Variants in MED27 observed in about 807,000 individuals in gnomAD.
MED27 encodes mediator of RNA polymerase II transcription subunit 27.
In MED27, 30 loss-of-function variants were observed where a neutral mutation model predicts 38.2. The observed-to-expected ratio is 0.79, with a 90% CI of 0.59 to 1.07. MED27 has a LOEUF of 1.07. Among genes scored for constraint, MED27 ranks in the 50% least tolerant of loss-of-function variants. The pLI, the probability that MED27 is intolerant of heterozygous loss-of-function variation, is 0.00. For synonymous variants in MED27, 122 were observed against 153.5 expected (o/e 0.79, Z 1.52); for missense variants, 289 against 397.5 (o/e 0.73, Z 2.32).
At chr9:131,915,309 C>A (rs1830268787) in intron 4 of MED27, among the ~76,000 whole-genome samples, 1 of 152,184 alleles carries the variant, frequency 6.6e-6, no homozygotes, top group Non-Finnish European at 1.5e-5. Context: ...AACAAAGCAT[C>A]TACTCCAAAA....
At position 132,077,431 on chromosome 9, in the gene MED27, A is replaced by T; in HGVS notation, c.348+11T>A. ...TCCATATATTAGCTCCGTTTATTAC[A>T]TCTCCCTTACCTTGTTTGACCACTT... On this transcript the variant is annotated intron_variant, in intron 2 of 7. Transcript: ENST00000292035. 6.2e-7 allele frequency: 1 copy of T among 1,611,382 alleles called. No homozygotes were observed. Among genetic ancestry groups the T allele is most frequent in the South Asian group, 1.1e-5 (1 of 90,382 alleles).
chr9:132,027,416 A>G (rs1317192637), intron 2 of MED27, among the ~76,000 whole-genome samples: 1 of 152,156 alleles, frequency 6.6e-6, no homozygotes, highest in Non-Finnish European at 1.5e-5. Context: ...CAACTCCACC[A>G]CAATCAACTC....
intron 4 of MED27, among the ~76,000 whole-genome samples, chr9:131,918,921 T>C (rs529577521): frequency 6.6e-6 from 1 of 152,290 alleles, no homozygotes; most frequent in East Asian, 1.9e-4. Flanking sequence ...GCTTTGGGAA[T>C]GAGCCTCCTA....
chr9:131,948,586 G>A (rs1296277207), intron 3 of MED27, among the ~76,000 whole-genome samples: 2 of 151,156 alleles, frequency 1.3e-5, no homozygotes, highest in African/African-American at 4.9e-5. Flanking sequence ...AAGACTAGAC[G>A]TACTGCAGAC....
chr9:131,931,670 A>T (rs893512232), intron 4 of MED27, among the ~76,000 whole-genome samples: 3 of 152,240 alleles, frequency 2.0e-5, no homozygotes, highest in Non-Finnish European at 4.4e-5. Context: ...GGAAAAAGAT[A>T]TTCCATGCCA....
intron 2 of MED27, among the ~76,000 whole-genome samples, chr9:132,040,763 G>A (rs181694718): frequency 2.0e-5 from 3 of 152,108 alleles, no homozygotes; most frequent in Admixed American, 6.5e-5. Context: ...CACACACACC[G>A]CACACTCAAG....
intron 2 of MED27, among the ~76,000 whole-genome samples, chr9:132,057,093 C>T (rs1416006090): frequency 6.6e-6 from 1 of 152,186 alleles, no homozygotes; most frequent in African/African-American, 2.4e-5. Flanking sequence ...TACTGTTTGC[C>T]CTCTGGTTCC....
At chr9:132,029,408 T>C (rs999933956) in intron 2 of MED27, among the ~76,000 whole-genome samples, 1 of 152,200 alleles carries the variant, frequency 6.6e-6, no homozygotes, top group Non-Finnish European at 1.5e-5. Context: ...TATAATTTGC[T>C]TTCTTTGCCT....
intron 3 of MED27, among the ~76,000 whole-genome samples, chr9:131,958,482 G>A (rs901979062): frequency 5.9e-5 from 9 of 152,114 alleles, no homozygotes; most frequent in African/African-American, 1.4e-4. Flanking sequence ...TCCTGACTTC[G>A]TGATCCACCT....
intron 2 of MED27, among the ~76,000 whole-genome samples, chr9:132,028,271 G>T (rs1275201833): frequency 1.3e-5 from 2 of 152,146 alleles, no homozygotes; most frequent in Non-Finnish European, 2.9e-5. Context: ...GGAGCTGGGG[G>T]TGCTTTCTAT....
intron 4 of MED27, among the ~76,000 whole-genome samples, chr9:131,906,482 G>A (rs1243719776): frequency 1.3e-5 from 2 of 152,190 alleles, no homozygotes; most frequent in Non-Finnish European, 2.9e-5. Flanking sequence ...GAGTGTGGCT[G>A]GCCACCAGGG....
At chr9:132,033,463 A>C (rs1391046716) in intron 2 of MED27, among the ~76,000 whole-genome samples, 1 of 152,130 alleles carries the variant, frequency 6.6e-6, no homozygotes, top group Admixed American at 6.5e-5. Context: ...AATTTGAAAA[A>C]CTTTGGTAAA....
intron 4 of MED27, among the ~76,000 whole-genome samples, chr9:131,909,667 T>C (rs1830153382): frequency 6.6e-6 from 1 of 152,240 alleles, no homozygotes; most frequent in South Asian, 2.1e-4. Flanking sequence ...AAGGTCACTT[T>C]AAAAATCCAA....
At position 131,984,791 on chromosome 9, in the gene MED27, A is replaced by G. The variant is rs73658165; in HGVS notation, c.479+29546T>C. Among the ~76,000 whole-genome samples, 340 of 152,154 alleles carry G rather than the reference A, an allele frequency of 2.2e-3. 4 individuals carry two copies. Among genetic ancestry groups the G allele is most frequent in the African/African-American group, 7.8e-3 (325 of 41,498 alleles). ...TCCTGGCGCTTCCTGACATTTATAC[A>G]TTTATGCTGGTATTTTGAGCCTGGG... On this transcript the variant is annotated intron_variant, in intron 3 of 7. Transcript: ENST00000292035.
intron 3 of MED27, among the ~76,000 whole-genome samples, chr9:131,967,079 T>C (rs1291448790): frequency 6.6e-6 from 1 of 152,260 alleles, no homozygotes; most frequent in Non-Finnish European, 1.5e-5. Context: ...TAGCATATGA[T>C]ATGTGCTTGA....
intron 3 of MED27, among the ~76,000 whole-genome samples, chr9:131,973,731 G>T (rs977360076): frequency 2.0e-5 from 3 of 151,604 alleles, no homozygotes. Context: ...TCTTCGAGAC[G>T]GAGTCTTGCT....
chr9:131,887,464 A>C (rs911630512), intron 5 of MED27, among the ~76,000 whole-genome samples: 3 of 152,218 alleles, frequency 2.0e-5, no homozygotes, highest in African/African-American at 7.2e-5. Flanking sequence ...CTAGGAGTGC[A>C]CAGCAGGTGG....
In MED27 at chr9:131,921,592, T is replaced by A. The variant is rs548796679; in HGVS notation, c.573+17789A>T. Reference sequence around the variant, plus strand: ...ACTGTTGGTGGGACTGTAAACTAGTTCAACCATTGTGGAAGACAGTGTGGC... The same window carrying A: ...ACTGTTGGTGGGACTGTAAACTAGTACAACCATTGTGGAAGACAGTGTGGC... On this transcript the variant is annotated intron_variant, in intron 4 of 7. Transcript: ENST00000292035. Among the ~76,000 whole-genome samples the A allele has an allele frequency of 1.8e-4, 28 of 152,322 alleles. No individual in the cohort carries two copies. In the South Asian group the frequency reaches 4.6e-3, roughly 25 times the overall value.
chr9:131,914,624 G>A lies in MED27; in HGVS notation c.574-20632C>T, dbSNP rs189943435. On this transcript the variant is annotated intron_variant, in intron 4 of 7. Coordinates refer to ENST00000292035, the MANE Select transcript of MED27 (RefSeq NM_004269.4). ...GGAAACAAGAAACAAATAACATGGG[G>A]AAGAGATGGGTCACGTAGGGGCTTA... 5.9e-5 allele frequency among the ~76,000 whole-genome samples: 9 copies of A among 152,306 alleles called. No individual in the cohort carries two copies. In the East Asian group the frequency reaches 1.7e-3, roughly 29 times the overall value.
Sources: allele counts gnomAD v4.1 joint callset (sites outside exome capture counted in the v4.1 genomes callset), GRCh38; gene constraint gnomAD v4.1.1; transcripts MANE v1.5; gene names NCBI Gene and HGNC (gene_info 2026-07-23, HGNC 2026-07-21).